Variants in SLC35H1 observed in about 807,000 individuals in gnomAD.
The protein encoded by SLC35H1 is ovarian cancer-overexpressed gene 1 protein.
At chr20:46,357,457 G>A in the SLC35H1 span, among the ~76,000 whole-genome samples, 4 of 152,254 alleles carry the variant, frequency 2.6e-5, no homozygotes, top group African/African-American at 9.6e-5. Flanking sequence ...GTGCACAAGA[G>A]GCAGCAGCGT....
the SLC35H1 span, chr20:46,358,662 A>G: frequency 6.4e-7 from 1 of 1,552,200 alleles, no homozygotes; most frequent in African/African-American, 1.4e-5. Flanking sequence ...ATTCGGAACC[A>G]TCAGCAGAGC....
chr20:46,358,648 C>A, the SLC35H1 span: 4 of 1,554,406 alleles, frequency 2.6e-6, no homozygotes, highest in Non-Finnish European at 3.5e-6. Context: ...TCTGCAGCTC[C>A]ATGATTCGGA....
the SLC35H1 span, among the ~76,000 whole-genome samples, chr20:46,360,106 G>T: frequency 1.3e-5 from 2 of 152,244 alleles, no homozygotes; most frequent in East Asian, 3.9e-4. Flanking sequence ...TCTGCATCCC[G>T]CACGACTTTG....
At chr20:46,358,968 C>G in the SLC35H1 span, 7 of 593,338 alleles carry the variant, frequency 1.2e-5, no homozygotes, top group Non-Finnish European at 1.2e-5. Flanking sequence ...CCTTTTAAAA[C>G]ACAAACTGAT....
At chr20:46,356,495 G>A in the SLC35H1 span, 1 of 1,438,376 alleles carries the variant, frequency 7.0e-7, no homozygotes, top group Non-Finnish European at 9.7e-7. Context: ...TGGCCTAGCA[G>A]CCGGGTGTGC....
chr20:46,358,465 C>A, the SLC35H1 span: 2 of 1,614,102 alleles, frequency 1.2e-6, no homozygotes, highest in Non-Finnish European at 1.7e-6. Flanking sequence ...GGGTCAACAC[C>A]GCCTTCCACA....
the SLC35H1 span, chr20:46,357,918 A>T: frequency 5.8e-5 from 48 of 822,858 alleles, no homozygotes; most frequent in Non-Finnish European, 8.5e-5. Flanking sequence ...GCCCTTAGTT[A>T]CGGTATCATC....
At chr20:46,362,892 G>A in the SLC35H1 span, among the ~76,000 whole-genome samples, 5 of 152,308 alleles carry the variant, frequency 3.3e-5, no homozygotes, top group East Asian at 3.9e-4. Context: ...TCAGGCTCCC[G>A]AGGAGCTGGG....
chr20:46,355,082 C>T, the SLC35H1 span: 1 of 1,614,106 alleles, frequency 6.2e-7, no homozygotes, highest in Non-Finnish European at 8.5e-7. The surrounding 1 kb of genome is among the most constrained non-coding windows in gnomAD (Gnocchi z 4.8). Flanking sequence ...CCGAGTTCAG[C>T]CTTCTGCAGG....
the SLC35H1 span, among the ~76,000 whole-genome samples, chr20:46,357,319 C>T: frequency 1.7e-3 from 257 of 152,350 alleles, no homozygotes; most frequent in African/African-American, 5.6e-3. Flanking sequence ...CCTGCCTGCT[C>T]ACCACTTATC....
At chr20:46,351,912 G>A in the SLC35H1 span, 1 of 879,764 alleles carries the variant, frequency 1.1e-6, no homozygotes, top group Non-Finnish European at 1.7e-6. Flanking sequence ...ACTCAGCAAA[G>A]TGCCTGGCAC....
chr20:46,360,203 A>G, the SLC35H1 span, among the ~76,000 whole-genome samples: 7 of 152,236 alleles, frequency 4.6e-5, no homozygotes, highest in African/African-American at 4.8e-5. Flanking sequence ...CAGTGTTTCC[A>G]TGGTTCTGCT....
At chr20:46,360,228 C>T in the SLC35H1 span, among the ~76,000 whole-genome samples, 1 of 152,150 alleles carries the variant, frequency 6.6e-6, no homozygotes, top group Non-Finnish European at 1.5e-5. Flanking sequence ...ACTAACACTT[C>T]CAAGAATAAG....
the SLC35H1 span, chr20:46,350,787 AC>A: frequency 2.5e-6 from 4 of 1,614,006 alleles, no homozygotes; most frequent in Admixed American, 1.7e-5. Flanking sequence ...TTTGAGGGCA[AC>A]GTGGAGGGAT....
the SLC35H1 span, among the ~76,000 whole-genome samples, chr20:46,359,679 A>G: frequency 6.6e-6 from 1 of 152,204 alleles, no homozygotes; most frequent in African/African-American, 2.4e-5. Flanking sequence ...TGCCCGGAGC[A>G]TGCCGGGTAG....
the SLC35H1 span, chr20:46,350,621 C>T: frequency 6.6e-7 from 1 of 1,511,514 alleles, no homozygotes; most frequent in Non-Finnish European, 8.9e-7. Context: ...CCCCACCCAC[C>T]CACTCTGGAG....
chr20:46,356,540 TGAAG>T, the SLC35H1 span: 16 of 1,611,482 alleles, frequency 9.9e-6, no homozygotes, highest in Non-Finnish European at 1.4e-5. Flanking sequence ...AGCTTCAGCC[TGAAG>T]GGAGGCAGCA....
At chr20:46,358,328 T>G in the SLC35H1 span, 1 of 1,466,250 alleles carries the variant, frequency 6.8e-7, no homozygotes, top group Non-Finnish European at 9.6e-7. Context: ...AAGGGCACCG[T>G]AGCCATGGCT....
chr20:46,359,329 T>C, the SLC35H1 span, among the ~76,000 whole-genome samples: 1 of 152,174 alleles, frequency 6.6e-6, no homozygotes, highest in East Asian at 1.9e-4. Context: ...TTCTCTTTCA[T>C]AGCACTTGTG....
Sources: gnomAD v4.1 joint callset for allele counts (sites outside exome capture counted in the v4.1 genomes callset) on GRCh38, gnomAD v4.1.1 for gene constraint, Gnocchi (gnomAD v3.1) non-coding constraint, MANE v1.5 for transcripts, NCBI Gene and HGNC (gene_info 2026-07-23, HGNC 2026-07-21) for gene names.